ANO4: variants seen among roughly 807,000 people sequenced by gnomAD.
The protein encoded by ANO4 is anoctamin-4.
Under a neutral mutation model 141.9 loss-of-function variants are expected in ANO4, and 69 were observed. The observed-to-expected ratio is 0.49, with a 90% CI of 0.40 to 0.59. ANO4 has a LOEUF of 0.59. Among genes scored for constraint, ANO4 ranks in the 20% least tolerant of loss-of-function variants. The probability of loss-of-function intolerance (pLI) is 0.00; values close to 1 mark genes in which losing one functional copy is unlikely to be tolerated. For missense variants in ANO4, 894 were observed against 1,162.2 expected (o/e 0.77, Z 3.36); for synonymous variants, 350 against 394.3 (o/e 0.89, Z 1.33).
At chr12:100,910,039 A>G (rs552298245) in intron 2 of ANO4, among the ~76,000 whole-genome samples, 2 of 152,326 alleles carry the variant, frequency 1.3e-5, no homozygotes, top group East Asian at 3.9e-4. Flanking sequence ...TAAATATTGC[A>G]TACGACACAC....
chr12:100,794,101 T>G (rs1385657394), upstream of ANO4, among the ~76,000 whole-genome samples: 1 of 152,220 alleles, frequency 6.6e-6, no homozygotes, highest in African/African-American at 2.4e-5. Flanking sequence ...AGAAAACTAA[T>G]GAAGATTGAC....
chr12:100,980,455 A>G (rs1203557285), intron 7 of ANO4, among the ~76,000 whole-genome samples: 1 of 152,326 alleles, frequency 6.6e-6, no homozygotes, highest in Non-Finnish European at 1.5e-5. Flanking sequence ...TGAAGGCCAC[A>G]TATACAACTT....
rs184727521 is a variant in ANO4, at chr12:100,858,867, A to G, written c.-140-42779A>G. Among the ~76,000 whole-genome samples the G allele has an allele frequency of 1.5e-3, 226 of 152,240 alleles. 1 individual carries two copies. Among genetic ancestry groups the G allele is most frequent in the African/African-American group, 5.3e-3 (221 of 41,538 alleles). Reference sequence around the variant, plus strand: ...TAATTACTCCCAACAGGAGTGACTCAAACATATATTGGAAGCAAGATTCCC... The same window carrying G: ...TAATTACTCCCAACAGGAGTGACTCGAACATATATTGGAAGCAAGATTCCC... On this transcript the variant is annotated intron_variant, in intron 1 of 27. Transcript: ENST00000392977.
At chr12:100,960,867 T>C (rs947164998) in intron 5 of ANO4, among the ~76,000 whole-genome samples, 1 of 152,202 alleles carries the variant, frequency 6.6e-6, no homozygotes, top group East Asian at 1.9e-4. Flanking sequence ...GTTTATCTCA[T>C]ATACCATCTA....
chr12:100,839,894 C>T (rs546943353), intron 1 of ANO4, among the ~76,000 whole-genome samples: 10 of 152,210 alleles, frequency 6.6e-5, no homozygotes, highest in African/African-American at 2.2e-4. Flanking sequence ...TAATGTCTTA[C>T]ACACATAATC....
intron 1 of ANO4, among the ~76,000 whole-genome samples, chr12:100,844,241 G>A (rs1051792695): frequency 1.3e-5 from 2 of 152,052 alleles, no homozygotes; most frequent in African/African-American, 2.4e-5. Context: ...GGGAGGAAAT[G>A]AGATACTTAG....
At chr12:100,832,054 G>A (rs139761369) in intron 1 of ANO4, among the ~76,000 whole-genome samples, 22 of 152,130 alleles carry the variant, frequency 1.4e-4, no homozygotes, top group African/African-American at 5.3e-4. Context: ...TCAGAGCCAG[G>A]GTTTGAACTG....
At chr12:100,885,334 G>A (rs1357848232) in intron 1 of ANO4, 1 of 152,210 alleles carries the variant, frequency 6.6e-6, no homozygotes, top group Non-Finnish European at 1.5e-5. Flanking sequence ...CGCTTCCTCT[G>A]TTTACCAGCC....
intron 2 of ANO4, among the ~76,000 whole-genome samples, chr12:100,919,746 A>ATCTATCTG (rs2041541000): frequency 7.0e-6 from 1 of 143,518 alleles, no homozygotes; most frequent in Non-Finnish European, 1.5e-5. Flanking sequence ...GTATCTATCT[A>ATCTATCTG]TCTATCTATC....
intron 5 of ANO4, among the ~76,000 whole-genome samples, chr12:100,944,957 A>G (rs2042664859): frequency 6.6e-6 from 1 of 152,190 alleles, no homozygotes; most frequent in Non-Finnish European, 1.5e-5. Context: ...GCTACAGCAG[A>G]AAGACAATTT....
intron 8 of ANO4, among the ~76,000 whole-genome samples, chr12:100,990,677 G>A (rs116142408): frequency 6.6e-6 from 1 of 152,120 alleles, no homozygotes; most frequent in South Asian, 2.1e-4. Context: ...TTAAATAATT[G>A]TAAACAGTAT....
At chr12:101,024,983 A>T (rs1397292556) in intron 9 of ANO4, among the ~76,000 whole-genome samples, 1 of 152,230 alleles carries the variant, frequency 6.6e-6, no homozygotes, top group Non-Finnish European at 1.5e-5. Flanking sequence ...TCTGGTAAGG[A>T]TCTAAAGCAT....
intron 27 of ANO4, among the ~76,000 whole-genome samples, chr12:101,127,392 C>CT (rs2137087262): frequency 1.3e-5 from 2 of 152,174 alleles, no homozygotes; most frequent in East Asian, 3.9e-4. Context: ...GGGCTGTTTT[C>CT]TTTAATATCC....
At chr12:101,043,492 A>C (rs2047493072) in intron 12 of ANO4, 47 bp from the exon 13 acceptor site, 2 of 1,442,572 alleles carry the variant, frequency 1.4e-6, no homozygotes, top group Non-Finnish European at 1.9e-6. Flanking sequence ...GTTAGAAAAA[A>C]ATGTTCCATG....
chr12:100,891,529 G>A (rs1255104845), intron 1 of ANO4, among the ~76,000 whole-genome samples: 1 of 152,146 alleles, frequency 6.6e-6, no homozygotes, highest in African/African-American at 2.4e-5. Flanking sequence ...TAGATGTGGA[G>A]TGGTATCTCG....
intron 14 of ANO4, chr12:101,067,142 A>C (rs2048628542): frequency 3.1e-6 from 1 of 324,768 alleles, no homozygotes; most frequent in Non-Finnish European, 5.8e-6. Context: ...GGATTGTGAA[A>C]ATTTTGATTT....
At chr12:101,070,339 G>C (rs573811655) in intron 14 of ANO4, among the ~76,000 whole-genome samples, 1 of 152,220 alleles carries the variant, frequency 6.6e-6, no homozygotes, top group South Asian at 2.1e-4. Flanking sequence ...CAATGGGATA[G>C]AATAGAGAGC....
intron 3 of ANO4, among the ~76,000 whole-genome samples, chr12:100,788,128 G>A (rs2033930741): frequency 6.6e-6 from 1 of 152,194 alleles, no homozygotes; most frequent in Non-Finnish European, 1.5e-5. Flanking sequence ...ATGTGGTCAG[G>A]CTTGGGAGGA....
chr12:100,879,739 C>G (rs988610988), intron 1 of ANO4, among the ~76,000 whole-genome samples: 4 of 152,092 alleles, frequency 2.6e-5, no homozygotes, highest in Non-Finnish European at 5.9e-5. Flanking sequence ...CCTTTTTTGT[C>G]ATCCTTCCAC....
Sources: gnomAD v4.1 joint callset for allele counts (sites outside exome capture counted in the v4.1 genomes callset) on GRCh38, gnomAD v4.1.1 for gene constraint, MANE v1.5 for transcripts, NCBI Gene and HGNC (gene_info 2026-07-23, HGNC 2026-07-21) for gene names.